Variants in RBFOX2 observed in about 807,000 individuals in gnomAD.
RBFOX2 encodes RNA binding fox-1 homolog 2, also known as RNA binding protein fox-1 homolog 2.
In RBFOX2, 10 loss-of-function variants were observed where a neutral mutation model predicts 49.1. That is an observed-to-expected ratio of 0.20 (90% CI 0.13 to 0.35). The LOEUF (loss-of-function observed/expected upper bound fraction) is 0.35. Among genes scored for constraint, RBFOX2 ranks in the 10% least tolerant of loss-of-function variants. The pLI, the probability that RBFOX2 is intolerant of heterozygous loss-of-function variation, is 1.00. For missense variants in RBFOX2, 323 were observed against 486.9 expected (o/e 0.66, Z 3.17); for synonymous variants, 183 against 187.4 (o/e 0.98, Z 0.19).
chr22:35,897,534 A>C, intron 1 of RBFOX2: 1 of 832,244 alleles, frequency 1.2e-6, no homozygotes. Flanking sequence ...GTACGGGAGG[A>C]AGTACCCCTT....
At chr22:36,027,194 T>C (rs969813827) in intron 1 of RBFOX2, among the ~76,000 whole-genome samples, 1 of 152,182 alleles carries the variant, frequency 6.6e-6, no homozygotes. Context: ...CATCACCTAC[T>C]ATGAGTAAGA....
intron 1 of RBFOX2, among the ~76,000 whole-genome samples, chr22:36,027,762 GTT>G (rs1233482491): frequency 6.6e-6 from 1 of 152,062 alleles, no homozygotes; most frequent in Non-Finnish European, 1.5e-5. Flanking sequence ...CTCTCGAGGA[GTT>G]TTCTTTTCAC....
chr22:36,009,383 C>CT (rs895527884), intron 1 of RBFOX2, among the ~76,000 whole-genome samples: 4 of 151,564 alleles, frequency 2.6e-5, no homozygotes, highest in African/African-American at 9.7e-5. Context: ...AAGGGCCTTC[C>CT]TTTTTTTTGA....
chr22:35,907,546 CTT>C (rs935961600), intron 1 of RBFOX2, among the ~76,000 whole-genome samples: 3 of 152,098 alleles, frequency 2.0e-5, no homozygotes, highest in Non-Finnish European at 2.9e-5. Context: ...GAATCTCTCT[CTT>C]GTTAAGATTC....
intron 1 of RBFOX2, among the ~76,000 whole-genome samples, chr22:36,003,254 G>C (rs2058498206): frequency 6.6e-6 from 1 of 152,142 alleles, no homozygotes; most frequent in South Asian, 2.1e-4. Flanking sequence ...CTAGGCGTTG[G>C]CATTCTTTTT....
intron 1 of RBFOX2, among the ~76,000 whole-genome samples, chr22:35,953,882 C>T (rs567167892): frequency 6.0e-4 from 91 of 152,196 alleles, no homozygotes; most frequent in Non-Finnish European, 8.1e-4. Context: ...GATACTGATG[C>T]AGTAGAGCAT....
intron 1 of RBFOX2, among the ~76,000 whole-genome samples, chr22:35,912,551 C>T (rs779425287): frequency 1.2e-4 from 18 of 152,198 alleles, no homozygotes; most frequent in Non-Finnish European, 2.2e-4. Context: ...TTAGCATTTT[C>T]ACTTAAAACA....
At chr22:35,840,631 C>CATGTGTGT (rs1556025816), upstream of RBFOX2, 4 of 1,006,584 alleles carry the variant, frequency 4.0e-6, no homozygotes, top group African/African-American at 5.4e-5. Flanking sequence ...TGCGTGTGTG[C>CATGTGTGT]GTGTGTGTGT....
At chr22:35,827,179 T>C (rs757168587) in intron 1 of RBFOX2, among the ~76,000 whole-genome samples, 1 of 152,238 alleles carries the variant, frequency 6.6e-6, no homozygotes, top group Non-Finnish European at 1.5e-5. Context: ...ATATTGCTTA[T>C]TGAGGTTTTC....
chr22:35,840,608 G>T, upstream of RBFOX2: 1 of 1,133,018 alleles, frequency 8.8e-7, no homozygotes, highest in Non-Finnish European at 1.1e-6. Context: ...TGTACGCTGT[G>T]CGCACGCGTG....
chr22:36,004,409 A>T (rs1332833155), intron 1 of RBFOX2, among the ~76,000 whole-genome samples: 2 of 152,178 alleles, frequency 1.3e-5, no homozygotes, highest in Non-Finnish European at 2.9e-5. Flanking sequence ...CCACGCCCTT[A>T]TTCTACCTGA....
At chr22:35,784,487 C>T (rs1287344231) in intron 2 of RBFOX2, among the ~76,000 whole-genome samples, 1 of 152,234 alleles carries the variant, frequency 6.6e-6, no homozygotes, top group African/African-American at 2.4e-5. Context: ...CGGTATCAGA[C>T]AGCTGCTCTC....
chr22:36,028,170 GCCGGGGAGC>G, intron 1 of RBFOX2, 61 bp downstream of exon 1: 1 of 1,371,770 alleles, frequency 7.3e-7, no homozygotes, highest in Non-Finnish European at 9.4e-7. Flanking sequence ...CTCTCTCCAA[GCCGGGGAGC>G]CCGGTGTCGA....
At chr22:35,741,585 C>A (rs1298436314) in exon 12 of RBFOX2, 2 of 152,690 alleles carry the variant, frequency 1.3e-5, no homozygotes, top group East Asian at 1.9e-4. Context: ...AACCAAAGAC[C>A]CTTTCATAAA....
chr22:35,772,018 CT>C (rs1186639023), intron 4 of RBFOX2, among the ~76,000 whole-genome samples: 1 of 152,094 alleles, frequency 6.6e-6, no homozygotes, highest in Non-Finnish European at 1.5e-5. Flanking sequence ...CTTAGAACAG[CT>C]TCCAAATGAT....
In RBFOX2 at chr22:35,777,730, C is replaced by A. The variant is rs562103854; in HGVS notation, c.453+295G>T. The A allele has an allele frequency of 8.4e-5, 28 of 331,644 alleles. 1 individual carries two copies. In the South Asian group the frequency reaches 2.8e-3, roughly 33 times the overall value. 20.5% of individuals were successfully genotyped at this position (331,644 alleles called of 1,614,324 possible). ...TCCTTTAAACGGAGAAAGCTGAGGCCGAATTTAAGGCTCATAAAGCACTGT... is the reference window on the plus strand; with the variant it reads ...TCCTTTAAACGGAGAAAGCTGAGGCAGAATTTAAGGCTCATAAAGCACTGT... On this transcript the variant is annotated intron_variant, in intron 4 of 11. Coordinates refer to ENST00000405409, the Ensembl canonical transcript of RBFOX2.
At chr22:35,858,826 CAAAAA>C (rs771614258) in intron 1 of RBFOX2, among the ~76,000 whole-genome samples, 2 of 53,738 alleles carry the variant, frequency 3.7e-5, no homozygotes, top group Non-Finnish European at 4.0e-5. Flanking sequence ...GACTCTGTCT[CAAAAA>C]AAAAAAAAAA....
intron 2 of RBFOX2, among the ~76,000 whole-genome samples, chr22:35,799,313 G>C (rs1257293500): frequency 6.6e-6 from 1 of 152,188 alleles, no homozygotes; most frequent in Non-Finnish European, 1.5e-5. Flanking sequence ...CAGGCCCAGA[G>C]ATGATCAAGT....
intron 1 of RBFOX2, among the ~76,000 whole-genome samples, chr22:35,960,178 T>C (rs553040860): frequency 6.6e-6 from 1 of 152,308 alleles, no homozygotes; most frequent in East Asian, 1.9e-4. Flanking sequence ...AAATATATAA[T>C]TATTACCGAC....
Sources: gnomAD v4.1 joint callset for allele counts (sites outside exome capture counted in the v4.1 genomes callset) on GRCh38, gnomAD v4.1.1 for gene constraint, MANE v1.5 for transcripts, NCBI Gene and HGNC (gene_info 2026-07-23, HGNC 2026-07-21) for gene names.